The following CDC26 variants were observed in gnomAD, a reference collection of about 807,000 sequenced individuals.
The protein encoded by CDC26 is anaphase-promoting complex subunit CDC26.
Under a neutral mutation model 8.0 loss-of-function variants are expected in CDC26, and 2 were observed. The ratio of observed to expected loss-of-function variants is 0.25; its 90% CI spans 0.10 to 0.79. The LOEUF is 0.79. Ranked by LOEUF, CDC26 falls within the 30% of genes least tolerant of loss-of-function variation. The pLI, the probability that CDC26 is intolerant of heterozygous loss-of-function variation, is 0.70. For missense variants in CDC26, 68 were observed against 106.0 expected (o/e 0.64, Z 1.57); for synonymous variants, 19 against 34.9 (o/e 0.55, Z 1.60).
At chr9:113,272,971 C>A (rs1831983680) in intron 2 of CDC26, among the ~76,000 whole-genome samples, 1 of 152,164 alleles carries the variant, frequency 6.6e-6, no homozygotes, top group South Asian at 2.1e-4. Context: ...GCATTATAGG[C>A]AAGAGCTACT....
Position 113,275,569 on chromosome 9 carries a change from C to G in CDC26, c.-339G>C, listed in dbSNP as rs1241666075. On this transcript the variant is annotated 5_prime_UTR_variant, in exon 1 of 4. Transcript: ENST00000374206. The stretch of plus-strand genomic sequence containing the variant: ...CTCAATGCCACGACGCCATTTCCTA[C>G]TACGACTTCCATCATGCTCCGCGCC... 1.6e-6 allele frequency: 1 copy of G among 627,832 alleles called. No individual in the cohort carries two copies. 38.9% of individuals were successfully genotyped at this position (627,832 alleles called of 1,614,324 possible).
At position 113,267,294 on chromosome 9, in the gene CDC26, C is replaced by G; in HGVS notation, c.227G>C (p.Arg76Pro). Residue 76 changes from arginine to proline, a missense_variant, in exon 4 of 4, where the codon CGT becomes CCT. Transcript: ENST00000374206. ...GYKPQPKPNN[R>P]SSQFGSLEF Reference sequence around the variant, plus strand: ...TTCAAGACTTCCAAATTGAGATGAACGATTATTGGGCTTGGGTTGGGGTTT... The same window carrying G: ...TTCAAGACTTCCAAATTGAGATGAAGGATTATTGGGCTTGGGTTGGGGTTT... The G allele has an allele frequency of 1.3e-6, 2 of 1,547,066 alleles. No individual in the cohort carries two copies. Among genetic ancestry groups the G allele is most frequent in the Non-Finnish European group, 1.7e-6 (2 of 1,145,544 alleles).
chr9:113,275,555 G>A lies in CDC26; in HGVS notation c.-325C>T, dbSNP rs371893889. ...TAGGAGGGATGCCCCTCAATGCCAC[G>A]ACGCCATTTCCTACTACGACTTCCA... On this transcript the variant is annotated 5_prime_UTR_variant, in exon 1 of 4. Transcript: ENST00000374206. The A allele has an allele frequency of 1.3e-4, 72 of 566,664 alleles. No homozygotes were observed. Among genetic ancestry groups the A allele is most frequent in the African/African-American group, 1.2e-3 (60 of 51,706 alleles). 35.1% of individuals were successfully genotyped at this position (566,664 alleles called of 1,614,324 possible). A position where few individuals can be genotyped will look rare whatever the true frequency, so the allele number is the denominator to read the frequency against.
intron 3 of CDC26, among the ~76,000 whole-genome samples, chr9:113,269,272 C>A (rs1272810893): frequency 6.6e-6 from 1 of 152,032 alleles, no homozygotes; most frequent in Non-Finnish European, 1.5e-5. Flanking sequence ...CAAAGTATTA[C>A]AGGGAATAAA....
intron 2 of CDC26, among the ~76,000 whole-genome samples, 188 bp from the exon 3 acceptor site, chr9:113,272,736 G>A (rs1302385481): frequency 6.7e-6 from 1 of 150,090 alleles, no homozygotes; most frequent in African/African-American, 2.5e-5. Context: ...TCTTTGCCCA[G>A]GCTGGAGTGC....
chr9:113,272,678 AGAC>A, intron 2 of CDC26, 130 bp from the exon 3 acceptor site: 2 of 531,476 alleles, frequency 3.8e-6, no homozygotes, highest in Non-Finnish European at 6.7e-6. Flanking sequence ...ATTTACACAT[AGAC>A]TTCTAAAGTC....
At chr9:113,274,478 G>A (rs1832022111) in intron 1 of CDC26, among the ~76,000 whole-genome samples, 1 of 152,098 alleles carries the variant, frequency 6.6e-6, no homozygotes, top group African/African-American at 2.4e-5. Flanking sequence ...CAGACAAATG[G>A]TAGAGAAAGC....
Position 113,267,379 on chromosome 9 carries a change from T to C in CDC26, c.142A>G (p.Ile48Val), listed in dbSNP as rs906519767. 6.2e-6 allele frequency: 10 copies of C among 1,602,478 alleles called. No individual in the cohort carries two copies. The African/African-American group carries it at 1.2e-4, about 19-fold the overall frequency. ...CTCTTGGGATCACTGCTAAGCCCAA[T>C]GGCTCCTTCTCCATCACTGCCTCCT... ...VVGGSDGEGA[I>V]GLSSDPKSRE... Residue 48 changes from isoleucine to valine, a missense_variant, in exon 4 of 4, where the codon ATT becomes GTT. Physicochemically the swap from Ile to Val is conservative, Grantham distance 29. Coordinates refer to ENST00000374206, the MANE Select transcript of CDC26 (RefSeq NM_139286.4).
chr9:113,269,839 T>C (rs1831926430), intron 3 of CDC26, among the ~76,000 whole-genome samples: 1 of 152,210 alleles, frequency 6.6e-6, no homozygotes, highest in South Asian at 2.1e-4. Flanking sequence ...ATATGAAGCA[T>C]ATACAATACA....
chr9:113,272,372 G>T, intron 3 of CDC26, 55 bp downstream of exon 3: 1 of 1,353,212 alleles, frequency 7.4e-7, no homozygotes, highest in Non-Finnish European at 1.1e-6. Flanking sequence ...CTGTACTCCA[G>T]CCTGTGTGAC....
At chr9:113,267,902 G>A (rs1340849559) in intron 3 of CDC26, among the ~76,000 whole-genome samples, 2 of 152,152 alleles carry the variant, frequency 1.3e-5, no homozygotes, top group African/African-American at 4.8e-5. Flanking sequence ...CAGGAGAATC[G>A]CTTGAACCAG....
intron 3 of CDC26, among the ~76,000 whole-genome samples, chr9:113,269,735 A>T (rs903741060): frequency 1.3e-5 from 2 of 152,262 alleles, no homozygotes; most frequent in Non-Finnish European, 2.9e-5. Flanking sequence ...TTAATAATAT[A>T]TGAGTTTTTA....
At chr9:113,270,076 G>A (rs977751268) in intron 3 of CDC26, among the ~76,000 whole-genome samples, 5 of 152,206 alleles carry the variant, frequency 3.3e-5, no homozygotes, top group African/African-American at 9.6e-5. Flanking sequence ...GAGAGTGACC[G>A]TGCCTATGAG....
At chr9:113,268,162 T>C (rs1040481426) in intron 3 of CDC26, among the ~76,000 whole-genome samples, 1 of 152,006 alleles carries the variant, frequency 6.6e-6, no homozygotes, top group African/African-American at 2.4e-5. Flanking sequence ...GAAGCTACAA[T>C]TGGAAAGCTG....
At chr9:113,275,071 C>A (rs1832037243) in intron 1 of CDC26, among the ~76,000 whole-genome samples, 1 of 152,110 alleles carries the variant, frequency 6.6e-6, no homozygotes, top group African/African-American at 2.4e-5. Context: ...GCTCCTCCGC[C>A]GGGTCTTTAT....
At chr9:113,273,867 A>G (rs1283674730) in intron 1 of CDC26, among the ~76,000 whole-genome samples, 1 of 150,334 alleles carries the variant, frequency 6.7e-6, no homozygotes, top group East Asian at 2.0e-4. Flanking sequence ...AGCATTCCAC[A>G]GCCTGAAATC....
rs191243694 is a variant in CDC26, at chr9:113,272,781, T to G, written c.-41-233A>C. Among the ~76,000 whole-genome samples, 6 of 151,960 alleles carry G rather than the reference T, an allele frequency of 3.9e-5. No individual in the cohort carries two copies. The East Asian group carries it at 1.2e-3, about 29-fold the overall frequency. ...ACCTTAGCTCACTACAGCCTCAACT[T>G]CCTGGACTCAAGCAATCTTACTGCC... On this transcript the variant is annotated intron_variant, in intron 2 of 3. Transcript: ENST00000374206.
chr9:113,275,016 G>T (rs1033544027), intron 1 of CDC26, among the ~76,000 whole-genome samples: 2 of 152,082 alleles, frequency 1.3e-5, no homozygotes, highest in African/African-American at 4.8e-5. Flanking sequence ...CTCTCAATCT[G>T]ATACAAAGAC....
At chr9:113,273,936 C>T (rs1832006021) in intron 1 of CDC26, among the ~76,000 whole-genome samples, 1 of 150,676 alleles carries the variant, frequency 6.6e-6, no homozygotes, top group South Asian at 2.1e-4. Context: ...TGAGAAAACA[C>T]AACCCCCCAA....
Sources: gnomAD v4.1 joint callset for allele counts (sites outside exome capture counted in the v4.1 genomes callset) on GRCh38, gnomAD v4.1.1 for gene constraint, MANE v1.5 for transcripts, NCBI Gene and HGNC (gene_info 2026-07-23, HGNC 2026-07-21) for gene names.